The following COL14A1 variants were observed in gnomAD, a reference collection of about 807,000 sequenced individuals.
The protein encoded by COL14A1 is collagen alpha-1(XIV) chain.
COL14A1 carries 136 observed loss-of-function variants against 230.3 expected under a neutral mutation model. That is an observed-to-expected ratio of 0.59 (90% CI 0.51 to 0.68). The LOEUF (loss-of-function observed/expected upper bound fraction) is 0.68, where lower values mean the gene tolerates loss of function less well. Among genes scored for constraint, COL14A1 ranks in the 30% least tolerant of loss-of-function variants. The probability of loss-of-function intolerance (pLI) is 0.00; values close to 1 mark genes in which losing one functional copy is unlikely to be tolerated. For missense variants in COL14A1, 1,976 were observed against 2,215.8 expected (o/e 0.89, Z 2.17); for synonymous variants, 792 against 784.1 (o/e 1.01, Z -0.17).
In COL14A1 at chr8:120,244,273, C is replaced by T. The variant is rs552939509; in HGVS notation, c.2479+265C>T. On this transcript the variant is annotated intron_variant, in intron 20 of 47. Transcript: ENST00000297848. ...CATCTTTCTCTTCCAGAGTTTAATT[C>T]GTCAAGGTCCTGTGATTCATCAAAA... Among the ~76,000 whole-genome samples, 9 of 152,286 alleles carry T rather than the reference C, an allele frequency of 5.9e-5. No individual in the cohort carries two copies. In the East Asian group the frequency reaches 1.4e-3, roughly 23 times the overall value.
intron 46 of COL14A1, 69 bp downstream of exon 46, chr8:120,367,317 GA>G: frequency 7.9e-7 from 1 of 1,268,732 alleles, no homozygotes; most frequent in Admixed American, 2.0e-5. Context: ...TGCAAGTGAG[GA>G]AAATGGTCAT....
intron 2 of COL14A1, among the ~76,000 whole-genome samples, chr8:120,151,523 C>T (rs10101000): frequency 1.3e-5 from 2 of 151,162 alleles, no homozygotes; most frequent in Non-Finnish European, 2.9e-5. Flanking sequence ...GCCTGTAGTC[C>T]CAGCTGCTCA....
At chr8:120,337,370 T>G (rs538586550) in intron 42 of COL14A1, among the ~76,000 whole-genome samples, 3 of 138,700 alleles carry the variant, frequency 2.2e-5, no homozygotes, top group South Asian at 4.4e-4. Flanking sequence ...CACTCCAGCC[T>G]GGGCGACAAA....
At chr8:120,324,334 ATGTG>A (rs951367459) in intron 40 of COL14A1, among the ~76,000 whole-genome samples, 5 of 152,094 alleles carry the variant, frequency 3.3e-5, no homozygotes, top group Admixed American at 3.3e-4. Context: ...TACATTTTTA[ATGTG>A]TGTGTGTGCA....
intron 1 of COL14A1, among the ~76,000 whole-genome samples, chr8:120,145,634 C>G (rs775748259): frequency 6.6e-6 from 1 of 152,034 alleles, no homozygotes; most frequent in Non-Finnish European, 1.5e-5. Context: ...AACAAACAAA[C>G]AAACAAACAA....
intron 25 of COL14A1, among the ~76,000 whole-genome samples, chr8:120,268,442 G>A (rs1162178548): frequency 6.6e-6 from 1 of 151,512 alleles, no homozygotes; most frequent in South Asian, 2.1e-4. Flanking sequence ...AGCTGAGTAT[G>A]GATATTATTC....
At chr8:120,157,757 G>A (rs555252251) in intron 2 of COL14A1, among the ~76,000 whole-genome samples, 1 of 152,006 alleles carries the variant, frequency 6.6e-6, no homozygotes, top group Non-Finnish European at 1.5e-5. Context: ...AGGCCGAGGC[G>A]GGTGGATCCT....
At chr8:120,321,017 C>T (rs74866396) in intron 40 of COL14A1, among the ~76,000 whole-genome samples, 2,140 of 152,206 alleles carry the variant, frequency 0.014, 51 homozygotes, top group African/African-American at 0.048. Context: ...GATTTTAATC[C>T]ATCTGCCTGG....
intron 26 of COL14A1, among the ~76,000 whole-genome samples, chr8:120,275,390 A>G (rs559460296): frequency 2.0e-5 from 3 of 152,156 alleles, no homozygotes; most frequent in African/African-American, 7.2e-5. Flanking sequence ...TAAAAATTCT[A>G]GGAGATAACC....
chr8:120,224,055 C>G (rs1818017454), intron 14 of COL14A1, among the ~76,000 whole-genome samples: 2 of 70,388 alleles, frequency 2.8e-5, no homozygotes, highest in Admixed American at 2.1e-4. Context: ...GAGACAGAGT[C>G]TCATTCTGTC....
At chr8:120,173,727 CA>C (rs1816179264) in intron 5 of COL14A1, among the ~76,000 whole-genome samples, 1 of 151,572 alleles carries the variant, frequency 6.6e-6, no homozygotes, top group Admixed American at 6.6e-5. Flanking sequence ...ATCTTTTGCC[CA>C]TACCACAGGG....
intron 18 of COL14A1, among the ~76,000 whole-genome samples, chr8:120,230,703 T>C (rs1818240569): frequency 2.0e-5 from 3 of 152,062 alleles, no homozygotes; most frequent in African/African-American, 4.8e-5. Context: ...AATAACTATA[T>C]AAAAACCAAA....
At chr8:120,247,779 C>T in intron 21 of COL14A1, 44 bp downstream of exon 21, 15 of 1,593,298 alleles carry the variant, frequency 9.4e-6, no homozygotes, top group Non-Finnish European at 1.0e-5. Context: ...TGAGTAGTCA[C>T]TTAAAATGTC....
intron 14 of COL14A1, among the ~76,000 whole-genome samples, chr8:120,217,983 A>G (rs1817807326): frequency 1.4e-5 from 2 of 140,278 alleles, no homozygotes; most frequent in South Asian, 2.2e-4. Context: ...TATATAATAT[A>G]TATTTACAAA....
At chr8:120,197,752 C>T (rs1202836019) in intron 6 of COL14A1, 59 bp from the exon 7 acceptor site, 3 of 1,558,008 alleles carry the variant, frequency 1.9e-6, no homozygotes, top group South Asian at 1.2e-5. Flanking sequence ...TCTTGAGTAG[C>T]CCACTAGATT....
chr8:120,167,608 A>G (rs559710855), intron 4 of COL14A1, among the ~76,000 whole-genome samples: 2 of 152,368 alleles, frequency 1.3e-5, no homozygotes, highest in South Asian at 2.1e-4. Flanking sequence ...AATTAAAGCC[A>G]TAAAAAACTA....
intron 5 of COL14A1, among the ~76,000 whole-genome samples, chr8:120,186,262 C>T (rs1816649466): frequency 6.6e-6 from 1 of 152,176 alleles, no homozygotes; most frequent in African/African-American, 2.4e-5. Flanking sequence ...CCAATCTCTA[C>T]ACAGTAACAG....
Position 120,315,602 on chromosome 8 carries a change from T to G in COL14A1, c.4605+16T>G. The G allele has an allele frequency of 6.2e-7, 1 of 1,606,234 alleles. No individual in the cohort carries two copies. ...AGGTCCACAGGTATTATTTTTGTTTTTTAAGTCTATTGCTCTCAGTCTACA... is the reference window on the plus strand; with the variant it reads ...AGGTCCACAGGTATTATTTTTGTTTGTTAAGTCTATTGCTCTCAGTCTACA... On this transcript the variant is annotated intron_variant, in intron 39 of 47. Coordinates refer to ENST00000297848, the MANE Select transcript of COL14A1 (RefSeq NM_021110.4).
Position 120,262,880 on chromosome 8 carries a change from A to T in COL14A1, c.2882A>T (p.Gln961Leu). 1 of 1,605,010 alleles carries T rather than the reference A, an allele frequency of 6.2e-7. No homozygotes were observed. Among genetic ancestry groups the T allele is most frequent in the Non-Finnish European group, 8.5e-7 (1 of 1,177,810 alleles). The change falls in exon 24 of 48, where the codon CAA becomes CTA. Residue 961 changes from glutamine (Q) to leucine (L), a missense_variant. Gln to Leu is a moderately radical substitution (Grantham distance 113, BLOSUM62 -2). Around this residue, in one of 3 missense-constraint regions of COL14A1, gnomAD observed 1,791 missense variants for 2,019.5 expected, o/e 0.89. Coordinates refer to ENST00000297848, the MANE Select transcript of COL14A1 (RefSeq NM_021110.4). ...VIESLQDRQK[Q>L]ESTVGGGTTR... ...GTTTTTATTATAGATAGGCAAAAGCAAGAATCCACTGTGGGTGGAGGGACA... is the reference window on the plus strand; with the variant it reads ...GTTTTTATTATAGATAGGCAAAAGCTAGAATCCACTGTGGGTGGAGGGACA...
Sources: gnomAD v4.1 joint callset for allele counts (sites outside exome capture counted in the v4.1 genomes callset) on GRCh38, gnomAD v4.1.1 for gene constraint, gnomAD v4.1.1 regional missense constraint, MANE v1.5 for transcripts, NCBI Gene and HGNC (gene_info 2026-07-23, HGNC 2026-07-21) for gene names.